CLUAP1: variants seen among roughly 807,000 people sequenced by gnomAD.
CLUAP1 encodes the protein intraflagellar transport 38, also known as clusterin-associated protein 1.
Under a neutral mutation model 55.0 loss-of-function variants are expected in CLUAP1, and 50 were observed. The ratio of observed to expected loss-of-function variants is 0.91; its 90% CI spans 0.72 to 1.15. The LOEUF is 1.15. Ranked by LOEUF, CLUAP1 falls within the 50% of genes most tolerant of loss-of-function variation. CLUAP1 has a pLI of 0.00. For missense variants in CLUAP1, 530 were observed against 507.6 expected, an observed-to-expected ratio of 1.04 and a Z score of -0.42; for synonymous variants, 195 against 175.4, an observed-to-expected ratio of 1.11 and a Z score of -0.88.
rs562908104 is a variant in CLUAP1, at chr16:3,526,317, A to C, written c.856-95A>C. Reference sequence around the variant, plus strand: ...GAGTTTAGCTCTTTTTTTGTTCTGTAGCACAAACTTAGCAGTCCTTACACA... The same window carrying C: ...GAGTTTAGCTCTTTTTTTGTTCTGTCGCACAAACTTAGCAGTCCTTACACA... On this transcript the variant is annotated intron_variant, in intron 8 of 11. Transcript: ENST00000576634. 3.9e-4 allele frequency: 264 copies of C among 674,242 alleles called. No homozygotes were observed. The African/African-American group carries it at 4.4e-3, about 11-fold the overall frequency. 41.8% of individuals were successfully genotyped at this position (674,242 alleles called of 1,614,324 possible).
intron 5 of CLUAP1, among the ~76,000 whole-genome samples, chr16:3,512,714 T>C (rs891029548): frequency 3.3e-5 from 5 of 152,206 alleles, no homozygotes; most frequent in Non-Finnish European, 7.3e-5. Context: ...GGAGTCTCGC[T>C]GTGTTGCCCA....
At chr16:3,524,479 C>T (rs2037900636) in intron 8 of CLUAP1, among the ~76,000 whole-genome samples, 1 of 151,014 alleles carries the variant, frequency 6.6e-6, no homozygotes, top group South Asian at 2.1e-4. Context: ...CACCTGTAAT[C>T]CCAGCTACTT....
upstream of CLUAP1, chr16:3,496,710 C>G (rs1272024669): frequency 3.8e-6 from 2 of 531,434 alleles, no homozygotes; most frequent in Non-Finnish European, 7.5e-6. Flanking sequence ...TATTTCCGCT[C>G]CAGGGACCAG....
intron 9 of CLUAP1, among the ~76,000 whole-genome samples, chr16:3,529,550 A>G (rs867958717): frequency 7.4e-4 from 39 of 52,878 alleles, no homozygotes; most frequent in African/African-American, 1.7e-3. Context: ...ATTATTATAT[A>G]TTATATATTA....
Position 3,512,246 on chromosome 16 carries a change from A to G in CLUAP1, c.400-137A>G, listed in dbSNP as rs2037642267. The G allele has an allele frequency of 6.5e-6, 4 of 616,616 alleles. No homozygotes were observed. The Admixed American group carries it at 7.7e-5, about 12-fold the overall frequency. 38.2% of individuals were successfully genotyped at this position (616,616 alleles called of 1,614,324 possible). On this transcript the variant is annotated intron_variant, in intron 4 of 11. Coordinates refer to ENST00000576634, the MANE Select transcript of CLUAP1 (RefSeq NM_015041.3). ...ACATGGTGGTTCTGCCTATAATCCC[A>G]ACACTTTGGGAGGCTGAGGTCGGAG...
At chr16:3,517,389 C>A (rs1040366835) in intron 6 of CLUAP1, among the ~76,000 whole-genome samples, 1 of 152,150 alleles carries the variant, frequency 6.6e-6, no homozygotes, top group African/African-American at 2.4e-5. Context: ...TCACTGCAAT[C>A]TCTGCCTCCT....
intron 3 of CLUAP1, 92 bp from the exon 4 acceptor site, chr16:3,508,194 TCAG>T: frequency 2.8e-6 from 3 of 1,058,000 alleles, no homozygotes; most frequent in Non-Finnish European, 4.1e-6. Context: ...ATCCCAGTTG[TCAG>T]CAGAGGCATT....
the CLUAP1 span, chr16:3,495,524 G>C: frequency 6.5e-7 from 1 of 1,539,798 alleles, no homozygotes; most frequent in South Asian, 1.2e-5. Context: ...CTGGCAACTG[G>C]TTCTTATGAC....
chr16:3,519,775 GTC>G, intron 6 of CLUAP1, 126 bp from the exon 7 acceptor site: 1 of 854,842 alleles, frequency 1.2e-6, no homozygotes, highest in East Asian at 2.7e-5. Context: ...TTGGGGAAGT[GTC>G]TATTTGTTTG....
intron 3 of CLUAP1, among the ~76,000 whole-genome samples, chr16:3,507,155 C>T (rs1371909032): frequency 6.6e-5 from 10 of 150,906 alleles, no homozygotes; most frequent in African/African-American, 2.4e-4. Context: ...GAGATCACGC[C>T]ACTGCACTCC....
chr16:3,535,531 G>A (rs1289347764), intron 11 of CLUAP1: 1 of 153,376 alleles, frequency 6.5e-6, no homozygotes, highest in Admixed American at 6.5e-5. Flanking sequence ...ATCCGATGAG[G>A]AGAGAGAGGG....
chr16:3,496,384 T>C, upstream of CLUAP1: 1 of 1,182,324 alleles, frequency 8.5e-7, no homozygotes, highest in Non-Finnish European at 1.2e-6. Context: ...ACCGGCCACC[T>C]CTGTCCGTTT....
chr16:3,503,457 C>A (rs1299638092), intron 1 of CLUAP1, among the ~76,000 whole-genome samples: 2 of 152,210 alleles, frequency 1.3e-5, no homozygotes, highest in Non-Finnish European at 2.9e-5. Context: ...GCCACTGTGC[C>A]CGGCAACTTT....
chr16:3,519,533 G>A (rs976329715), intron 6 of CLUAP1, among the ~76,000 whole-genome samples: 8 of 152,192 alleles, frequency 5.3e-5, no homozygotes, highest in African/African-American at 1.4e-4. Flanking sequence ...GGCATGGCCC[G>A]AATGATAAAA....
chr16:3,530,252 AAC>A (rs1555495807), intron 9 of CLUAP1, among the ~76,000 whole-genome samples: 2 of 152,086 alleles, frequency 1.3e-5, no homozygotes, highest in Non-Finnish European at 2.9e-5. Context: ...TTAAGTTTCC[AAC>A]ACAGGCTTTT....
At chr16:3,520,457 A>G (rs2037812862) in intron 7 of CLUAP1, among the ~76,000 whole-genome samples, 1 of 152,140 alleles carries the variant, frequency 6.6e-6, no homozygotes, top group Non-Finnish European at 1.5e-5. Context: ...TTCTCAAGCA[A>G]TGAAAAAAAG....
intron 10 of CLUAP1, 74 bp from the exon 11 acceptor site, chr16:3,532,712 A>G: frequency 6.5e-7 from 1 of 1,530,968 alleles, no homozygotes; most frequent in Non-Finnish European, 9.0e-7. Flanking sequence ...TGGCCAGAAA[A>G]CAAATCTTGA....
chr16:3,513,105 C>T (rs1048220627), intron 5 of CLUAP1, among the ~76,000 whole-genome samples: 1 of 152,190 alleles, frequency 6.6e-6, no homozygotes, highest in African/African-American at 2.4e-5. Flanking sequence ...TCTGCTTCAG[C>T]ATTTTCTCAA....
chr16:3,507,431 G>A (rs1183769607), intron 3 of CLUAP1, among the ~76,000 whole-genome samples: 1 of 151,354 alleles, frequency 6.6e-6, no homozygotes, highest in African/African-American at 2.4e-5. Flanking sequence ...CTGGTGACAC[G>A]TGCCTGTAGT....
Sources: gnomAD v4.1 joint callset for allele counts (sites outside exome capture counted in the v4.1 genomes callset) on GRCh38, gnomAD v4.1.1 for gene constraint, MANE v1.5 for transcripts, NCBI Gene and HGNC (gene_info 2026-07-23, HGNC 2026-07-21) for gene names.